KCNG3: variants seen among roughly 807,000 people sequenced by gnomAD.
KCNG3 encodes the protein voltage-gated potassium channel regulatory subunit KCNG3.
KCNG3 carries 15 observed loss-of-function variants against 29.0 expected under a neutral mutation model. The ratio of observed to expected loss-of-function variants is 0.52; its 90% CI spans 0.35 to 0.80. The LOEUF (loss-of-function observed/expected upper bound fraction) is 0.80. KCNG3 is among the 30% of genes least tolerant of loss of function. The pLI is 0.01. For missense variants in KCNG3, 512 were observed against 605.7 expected (o/e 0.85, Z 1.62); for synonymous variants, 322 against 248.9 (o/e 1.29, Z -2.76).
At chr2:42,399,021 G>C in the KCNG3 span, among the ~76,000 whole-genome samples, 3 of 150,626 alleles carry the variant, frequency 2.0e-5, no homozygotes, top group East Asian at 5.9e-4. Flanking sequence ...TTTAATATTG[G>C]GTTGTTCTTT....
Position 42,443,778 on chromosome 2 carries a change from G to C in KCNG3, c.*156C>G, listed in dbSNP as rs1029279347. On this transcript the variant is annotated 3_prime_UTR_variant, in exon 2 of 2. Transcript: ENST00000306078. ...CTCAATTCTATTTACTCCATAACAA[G>C]TAAACTGTTTTATCCCTTCGGCTGG... 1.5e-6 allele frequency: 1 copy of C among 657,904 alleles called. No individual in the cohort carries two copies. The highest frequency in any genetic ancestry group is 2.6e-6 in the Non-Finnish European group (1 of 392,092). 40.8% of individuals were successfully genotyped at this position (657,904 alleles called of 1,614,324 possible). A position where few individuals can be genotyped will look rare whatever the true frequency, so the allele number is the denominator to read the frequency against.
downstream of KCNG3, among the ~76,000 whole-genome samples, chr2:42,438,565 C>G (rs1672415793): frequency 6.6e-6 from 1 of 152,092 alleles, no homozygotes; most frequent in Non-Finnish European, 1.5e-5. Context: ...GAATTCCCAC[C>G]AAAGCTACTT....
chr2:42,490,090 C>T (rs1043949671), intron 1 of KCNG3, among the ~76,000 whole-genome samples: 2 of 152,208 alleles, frequency 1.3e-5, no homozygotes, highest in African/African-American at 4.8e-5. Context: ...AATTATTCTC[C>T]CTGGAATTCA....
intron 1 of KCNG3, among the ~76,000 whole-genome samples, chr2:42,482,224 T>C (rs1223072377): frequency 6.6e-6 from 1 of 152,236 alleles, no homozygotes; most frequent in African/African-American, 2.4e-5. Flanking sequence ...TAAATGTTTG[T>C]TGAATTTAAC....
intron 1 of KCNG3, among the ~76,000 whole-genome samples, chr2:42,448,655 T>TC (rs1672664803): frequency 6.6e-6 from 1 of 152,162 alleles, no homozygotes; most frequent in East Asian, 1.9e-4. Flanking sequence ...AGTTTGTTTT[T>TC]CAACCAAATG....
At chr2:42,437,793 C>T (rs1032922422), downstream of KCNG3, among the ~76,000 whole-genome samples, 3 of 151,884 alleles carry the variant, frequency 2.0e-5, no homozygotes, top group African/African-American at 7.3e-5. Flanking sequence ...CAGAAATTAG[C>T]AGGGCATGTT....
At chr2:42,398,428 G>T in the KCNG3 span, among the ~76,000 whole-genome samples, 1 of 151,944 alleles carries the variant, frequency 6.6e-6, no homozygotes, top group African/African-American at 2.4e-5. Context: ...CAGTGTCCCA[G>T]GAAGAGCCCT....
chr2:42,390,231 T>C, the KCNG3 span, among the ~76,000 whole-genome samples: 3 of 152,336 alleles, frequency 2.0e-5, no homozygotes, highest in East Asian at 1.9e-4. Flanking sequence ...TTCATTCTTT[T>C]GCTCATCTCC....
At chr2:42,407,892 G>A in the KCNG3 span, among the ~76,000 whole-genome samples, 1 of 152,218 alleles carries the variant, frequency 6.6e-6, no homozygotes, top group African/African-American at 2.4e-5. Flanking sequence ...AACCGTGGCT[G>A]TGGACCAAGG....
chr2:42,417,916 G>C, the KCNG3 span, among the ~76,000 whole-genome samples: 9 of 151,936 alleles, frequency 5.9e-5, no homozygotes, highest in Admixed American at 3.9e-4. Context: ...GGGTTGCAGT[G>C]AGCTGAGATC....
downstream of KCNG3, among the ~76,000 whole-genome samples, chr2:42,437,926 G>A (rs1174141471): frequency 3.9e-5 from 4 of 103,390 alleles, no homozygotes; most frequent in Admixed American, 1.4e-4. Context: ...CAACAAGAGT[G>A]AAACTCTGTC....
At chr2:42,430,889 C>T in the KCNG3 span, among the ~76,000 whole-genome samples, 5 of 151,910 alleles carry the variant, frequency 3.3e-5, no homozygotes, top group African/African-American at 1.2e-4. Flanking sequence ...GTGGGCAGAT[C>T]GCTTGAGGCC....
downstream of KCNG3, among the ~76,000 whole-genome samples, chr2:42,437,800 T>C (rs532913255): frequency 6.6e-6 from 1 of 151,908 alleles, no homozygotes; most frequent in Admixed American, 6.6e-5. Context: ...TAGCAGGGCA[T>C]GTTGGTGGGC....
chr2:42,414,283 T>C, the KCNG3 span, among the ~76,000 whole-genome samples: 2 of 152,206 alleles, frequency 1.3e-5, no homozygotes, highest in African/African-American at 4.8e-5. Flanking sequence ...TTGGTCCTTG[T>C]GTGTGTTAAA....
chr2:42,389,090 G>C, the KCNG3 span, among the ~76,000 whole-genome samples: 1 of 151,936 alleles, frequency 6.6e-6, no homozygotes, highest in Non-Finnish European at 1.5e-5. Context: ...GCTAATTTTT[G>C]TATTTTTAGT....
At chr2:42,454,684 G>A (rs1348514245) in intron 1 of KCNG3, among the ~76,000 whole-genome samples, 1 of 151,310 alleles carries the variant, frequency 6.6e-6, no homozygotes, top group Non-Finnish European at 1.5e-5. Flanking sequence ...TGTACTGGGC[G>A]ACAGAGCAAG....
chr2:42,423,775 G>A, the KCNG3 span, among the ~76,000 whole-genome samples: 1 of 148,746 alleles, frequency 6.7e-6, no homozygotes, highest in East Asian at 2.0e-4. Flanking sequence ...TGTGGCTAGA[G>A]CCTCGCACAG....
chr2:42,460,290 G>A (rs1355121433), intron 1 of KCNG3, among the ~76,000 whole-genome samples: 1 of 151,962 alleles, frequency 6.6e-6, no homozygotes, highest in East Asian at 1.9e-4. Flanking sequence ...GTTTGAGGCT[G>A]CAGTGAGTCA....
At chr2:42,487,722 C>T (rs910932745) in intron 1 of KCNG3, among the ~76,000 whole-genome samples, 1 of 152,148 alleles carries the variant, frequency 6.6e-6, no homozygotes, top group African/African-American at 2.4e-5. Flanking sequence ...GTGAAAATTA[C>T]AAGTGCATAT....
Sources: allele counts gnomAD v4.1 joint callset (sites outside exome capture counted in the v4.1 genomes callset), GRCh38; gene constraint gnomAD v4.1.1; transcripts MANE v1.5; gene names NCBI Gene and HGNC (gene_info 2026-07-23, HGNC 2026-07-21).